SLC5A4: variants seen among roughly 807,000 people sequenced by gnomAD.
SLC5A4 encodes the protein probable glucose sensor protein SLC5A4.
Under a neutral mutation model 70.3 loss-of-function variants are expected in SLC5A4, and 55 were observed. The ratio of observed to expected loss-of-function variants is 0.78; its 90% CI spans 0.63 to 0.98. The LOEUF (loss-of-function observed/expected upper bound fraction) is 0.98. Ranked by LOEUF, SLC5A4 falls within the 50% of genes least tolerant of loss-of-function variation. The pLI is 0.00. For missense variants in SLC5A4, 735 were observed against 839.2 expected, an observed-to-expected ratio of 0.88 and a Z score of 1.53; for synonymous variants, 268 against 305.7, an observed-to-expected ratio of 0.88 and a Z score of 1.29.
At chr22:32,261,777 T>C in the SLC5A4 span, among the ~76,000 whole-genome samples, 2 of 152,376 alleles carry the variant, frequency 1.3e-5, no homozygotes, top group East Asian at 3.9e-4. Context: ...TTATTCATTC[T>C]GTTTTTTTGT....
chr22:32,261,103 CT>C, the SLC5A4 span, among the ~76,000 whole-genome samples: 1 of 152,032 alleles, frequency 6.6e-6, no homozygotes. Flanking sequence ...GCAGCCTCCC[CT>C]GACCCAGGAG....
At chr22:32,307,828 G>C in the SLC5A4 span, among the ~76,000 whole-genome samples, 50,434 of 152,130 alleles carry the variant, frequency 0.33, 8,525 homozygotes, top group Admixed American at 0.43. Flanking sequence ...GCGTCATCCA[G>C]GCATGGCCTG....
the SLC5A4 span, chr22:32,285,023 G>C: frequency 1.3e-5 from 2 of 152,136 alleles, no homozygotes; most frequent in Non-Finnish European, 2.9e-5. Context: ...CATTTTGTGA[G>C]AATCAGTTGA....
chr22:32,230,954 G>A lies in SLC5A4; in HGVS notation c.1129+14C>T. 3 of 1,576,888 alleles carry A rather than the reference G, an allele frequency of 1.9e-6. No homozygotes were observed. The highest frequency in any genetic ancestry group is 2.2e-5 in the South Asian group (2 of 90,194). Reference sequence around the variant, plus strand: ...CAGGCCTCTGGGGCTGTCCCAGCAGGGACATTTTCCTACCTTGGGGCATCA... The same window carrying A: ...CAGGCCTCTGGGGCTGTCCCAGCAGAGACATTTTCCTACCTTGGGGCATCA... On this transcript the variant is annotated intron_variant, in intron 10 of 14. Coordinates refer to ENST00000266086, the MANE Select transcript of SLC5A4 (RefSeq NM_014227.3).
chr22:32,338,620 G>A, the SLC5A4 span, among the ~76,000 whole-genome samples: 2 of 152,310 alleles, frequency 1.3e-5, no homozygotes, highest in Non-Finnish European at 2.9e-5. Context: ...AGTGAGCCAA[G>A]ATCACACCAC....
At chr22:32,314,116 C>G in the SLC5A4 span, among the ~76,000 whole-genome samples, 2 of 152,158 alleles carry the variant, frequency 1.3e-5, no homozygotes, top group South Asian at 2.1e-4. Flanking sequence ...GAAGGAGAAC[C>G]TACTCTCCAC....
the SLC5A4 span, among the ~76,000 whole-genome samples, chr22:32,316,934 C>CTCTGTGTGTGTG: frequency 2.2e-4 from 32 of 148,730 alleles, no homozygotes; most frequent in African/African-American, 7.7e-4. Flanking sequence ...ATTAACAACT[C>CTCTGTGTGTGTG]TGTGTGTGTG....
the SLC5A4 span, among the ~76,000 whole-genome samples, chr22:32,291,085 T>C: frequency 6.6e-6 from 1 of 152,170 alleles, no homozygotes; most frequent in Non-Finnish European, 1.5e-5. Flanking sequence ...ATCAATTTTA[T>C]TTTTTTAAAG....
At chr22:32,334,267 G>A in the SLC5A4 span, among the ~76,000 whole-genome samples, 3 of 152,170 alleles carry the variant, frequency 2.0e-5, no homozygotes, top group African/African-American at 7.2e-5. Flanking sequence ...CCTCTCCCCT[G>A]GTGCTGGCGT....
the SLC5A4 span, among the ~76,000 whole-genome samples, chr22:32,321,792 A>G: frequency 6.6e-6 from 1 of 152,216 alleles, no homozygotes; most frequent in Non-Finnish European, 1.5e-5. Context: ...TGCAAAGGAC[A>G]TGATCTTGTT....
chr22:32,305,738 C>T, the SLC5A4 span, among the ~76,000 whole-genome samples: 3 of 129,740 alleles, frequency 2.3e-5, 1 homozygote, highest in Non-Finnish European at 4.9e-5. Flanking sequence ...AAGGTGGTTA[C>T]TCTGTCCCCT....
the SLC5A4 span, among the ~76,000 whole-genome samples, chr22:32,325,298 A>G: frequency 6.6e-6 from 1 of 152,266 alleles, no homozygotes; most frequent in Non-Finnish European, 1.5e-5. Context: ...CAGGACCCCA[A>G]AACAAGAGCA....
At chr22:32,312,333 AAAC>A in the SLC5A4 span, among the ~76,000 whole-genome samples, 1 of 149,792 alleles carries the variant, frequency 6.7e-6, no homozygotes, top group Non-Finnish European at 1.5e-5. Context: ...CCAACCAACC[AAAC>A]AAGAACACCC....
chr22:32,269,143 G>A, the SLC5A4 span, among the ~76,000 whole-genome samples: 1 of 152,142 alleles, frequency 6.6e-6, no homozygotes, highest in Admixed American at 6.6e-5. This position sits in a 1 kb window ranked among gnomAD's most constrained non-coding sequence, Gnocchi z 4.1. Flanking sequence ...TGCCCACCCT[G>A]GCCTCCCAAA....
chr22:32,327,075 T>G, the SLC5A4 span: 1 of 152,272 alleles, frequency 6.6e-6, no homozygotes, highest in Non-Finnish European at 1.5e-5. Flanking sequence ...TGTTTTAAGC[T>G]ACTGCATTTG....
chr22:32,300,980 TGA>T, the SLC5A4 span, among the ~76,000 whole-genome samples: 1 of 152,196 alleles, frequency 6.6e-6, no homozygotes, highest in Non-Finnish European at 1.5e-5. Flanking sequence ...TTCTTTTTTT[TGA>T]GACGGAATCT....
the SLC5A4 span, among the ~76,000 whole-genome samples, chr22:32,304,658 A>G: frequency 1.3e-5 from 2 of 152,164 alleles, no homozygotes; most frequent in Non-Finnish European, 2.9e-5. Flanking sequence ...CTTTTTGCAA[A>G]TATTTTCTCC....
chr22:32,344,353 G>A, the SLC5A4 span, among the ~76,000 whole-genome samples: 1 of 152,104 alleles, frequency 6.6e-6, no homozygotes, highest in Non-Finnish European at 1.5e-5. Flanking sequence ...ATACTTTGAT[G>A]AGCCTTCTAT....
chr22:32,354,980 T>C, the SLC5A4 span: 1 of 152,306 alleles, frequency 6.6e-6, no homozygotes, highest in Admixed American at 6.5e-5. Flanking sequence ...GACTCCAGTG[T>C]GCTCAGGAAG....
Sources: allele counts gnomAD v4.1 joint callset (sites outside exome capture counted in the v4.1 genomes callset), GRCh38; gene constraint gnomAD v4.1.1; non-coding constraint Gnocchi (gnomAD v3.1); transcripts MANE v1.5; gene names NCBI Gene and HGNC (gene_info 2026-07-23, HGNC 2026-07-21).